The following CSMD1 variants were observed in gnomAD, a reference collection of about 807,000 sequenced individuals.
The protein encoded by CSMD1 is CUB and sushi domain-containing protein 1.
A neutral mutation model predicts 417.5 loss-of-function variants in CSMD1; 213 were observed. That is an observed-to-expected ratio of 0.51 (90% CI 0.46 to 0.57). The LOEUF is 0.57. Ranked by LOEUF, CSMD1 falls within the 20% of genes least tolerant of loss-of-function variation. CSMD1 has a pLI of 0.00. For missense variants in CSMD1, 6,923 were observed against 4,529.7 expected, an observed-to-expected ratio of 1.53 and a Z score of -15.17; for synonymous variants, 2,862 against 1,736.8, an observed-to-expected ratio of 1.65 and a Z score of -16.11.
Position 3,351,370 on chromosome 8 carries a change from G to A in CSMD1, c.3305-3209C>T, listed in dbSNP as rs138552013. 1.4e-3 allele frequency among the ~76,000 whole-genome samples: 214 copies of A among 151,972 alleles called. 1 individual carries two copies. The highest frequency in any genetic ancestry group is 4.5e-3 in the African/African-American group (188 of 41,464). On this transcript the variant is annotated intron_variant, in intron 21 of 69. Coordinates refer to ENST00000635120, the MANE Select transcript of CSMD1 (RefSeq NM_033225.6). Reference sequence around the variant, plus strand: ...CCATGCCTGTAATCCCAGCACTTTCGGAGGCCGAGGCAGGCGGATCACCTG... The same window carrying A: ...CCATGCCTGTAATCCCAGCACTTTCAGAGGCCGAGGCAGGCGGATCACCTG...
chr8:3,128,978 A>C, intron 41 of CSMD1: 1 of 415,474 alleles, frequency 2.4e-6, no homozygotes, highest in Non-Finnish European at 4.7e-6. Flanking sequence ...AAACAATACT[A>C]GCATGGAGTT....
intron 49 of CSMD1, among the ~76,000 whole-genome samples, chr8:3,075,869 G>A (rs1373751037): frequency 2.0e-5 from 3 of 147,900 alleles, no homozygotes; most frequent in Admixed American, 6.7e-5. Context: ...GGGAAACACT[G>A]TCTCTACTAA....
intron 1 of CSMD1, among the ~76,000 whole-genome samples, chr8:4,822,598 G>A (rs967220175): frequency 6.6e-6 from 1 of 151,986 alleles, no homozygotes; most frequent in East Asian, 1.9e-4. Context: ...GCAATTTTTA[G>A]CAATTTTTAC....
intron 5 of CSMD1, among the ~76,000 whole-genome samples, chr8:3,891,287 T>G (rs774177600): frequency 6.6e-6 from 1 of 152,082 alleles, no homozygotes; most frequent in Non-Finnish European, 1.5e-5. Context: ...CTTGCTCAAG[T>G]GATCTACCTG....
chr8:3,538,582 G>A (rs576852387), intron 10 of CSMD1, among the ~76,000 whole-genome samples: 1 of 152,362 alleles, frequency 6.6e-6, no homozygotes, highest in Admixed American at 6.5e-5. Context: ...CCTCCCCTGT[G>A]ATTGTGTGCC....
At chr8:4,009,092 T>G (rs2688365) in intron 4 of CSMD1, among the ~76,000 whole-genome samples, 88,882 of 152,004 alleles carry the variant, frequency 0.58, 26,248 homozygotes, top group South Asian at 0.67. Flanking sequence ...AAGAAAATGT[T>G]GTGCAGTTAA....
intron 6 of CSMD1, among the ~76,000 whole-genome samples, chr8:3,742,620 C>G (rs1480383333): frequency 6.6e-6 from 1 of 152,132 alleles, no homozygotes; most frequent in Non-Finnish European, 1.5e-5. Flanking sequence ...GTGCCCAGGT[C>G]CACTTTTCCT....
At chr8:4,554,478 T>C (rs1162634585) in intron 2 of CSMD1, among the ~76,000 whole-genome samples, 1 of 152,130 alleles carries the variant, frequency 6.6e-6, no homozygotes, top group African/African-American at 2.4e-5. Context: ...CACGTAATAA[T>C]TTGAGAATCT....
chr8:4,574,312 A>G (rs1585271097), intron 2 of CSMD1, among the ~76,000 whole-genome samples: 1 of 152,164 alleles, frequency 6.6e-6, no homozygotes, highest in Admixed American at 6.5e-5. Context: ...AAAGCATGCT[A>G]TCTGGGCTGG....
intron 1 of CSMD1, among the ~76,000 whole-genome samples, chr8:4,821,032 T>C (rs979169763): frequency 1.3e-5 from 2 of 152,090 alleles, no homozygotes; most frequent in Non-Finnish European, 2.9e-5. Context: ...ACGGCTTAGA[T>C]TGCTCCACAC....
intron 9 of CSMD1, among the ~76,000 whole-genome samples, chr8:3,577,242 T>TCTCATG (rs1800188541): frequency 1.6e-5 from 1 of 62,694 alleles, no homozygotes; most frequent in African/African-American, 5.1e-5. Context: ...ATCTCATGCA[T>TCTCATG]CATATTTTAT....
intron 4 of CSMD1, among the ~76,000 whole-genome samples, chr8:4,002,073 G>C (rs1033471573): frequency 2.0e-5 from 3 of 152,146 alleles, no homozygotes; most frequent in Non-Finnish European, 4.4e-5. Flanking sequence ...TATTAAGATA[G>C]TCTGATTGAT....
At chr8:4,763,122 C>G (rs1037617642) in intron 1 of CSMD1, among the ~76,000 whole-genome samples, 2 of 152,084 alleles carry the variant, frequency 1.3e-5, no homozygotes, top group Non-Finnish European at 2.9e-5. Context: ...CATGAAGTTA[C>G]AAAGACGAAG....
chr8:4,168,607 A>G (rs1197599837), intron 3 of CSMD1, among the ~76,000 whole-genome samples: 1 of 152,054 alleles, frequency 6.6e-6, no homozygotes, highest in Non-Finnish European at 1.5e-5. Flanking sequence ...CGCTACCAAC[A>G]TGTGTGCAAG....
chr8:4,003,627 A>G (rs1447514895), intron 4 of CSMD1, among the ~76,000 whole-genome samples: 5 of 152,238 alleles, frequency 3.3e-5, no homozygotes, highest in Non-Finnish European at 7.3e-5. Flanking sequence ...TACATTAAAA[A>G]GATAAATTCT....
At chr8:4,108,732 G>A (rs1481424919) in intron 3 of CSMD1, among the ~76,000 whole-genome samples, 1 of 151,526 alleles carries the variant, frequency 6.6e-6, no homozygotes, top group African/African-American at 2.4e-5. Context: ...TATGCATACC[G>A]ACTTTTGTTA....
Position 3,228,584 on chromosome 8 carries a change from G to T in CSMD1, c.4345+1456C>A, listed in dbSNP as rs139978271. Among the ~76,000 whole-genome samples the T allele has an allele frequency of 7.0e-4, 106 of 152,192 alleles. 1 individual carries two copies. The highest frequency in any genetic ancestry group is 2.5e-3 in the African/African-American group (103 of 41,530). On this transcript the variant is annotated intron_variant, in intron 27 of 69. Coordinates refer to ENST00000635120, the MANE Select transcript of CSMD1 (RefSeq NM_033225.6). ...TTTGGTGCGTATTGGACTACCTAGT[G>T]GCTGGTCAAAATAAAGTAACTAAGA...
chr8:3,081,476 CAGTTTTCAAATAAA>C lies in CSMD1; in HGVS notation c.7474+5607_7474+5620del, dbSNP rs1460172322. ...TTTTAAAATTATTTTTCTTTTTTTA[CAGTTTTCAAATAAA>C]AATTTTCAAATAAAATAATTAAATA... On this transcript the variant is annotated intron_variant, in intron 49 of 69. Coordinates refer to ENST00000635120, the MANE Select transcript of CSMD1 (RefSeq NM_033225.6). Among the ~76,000 whole-genome samples the C allele has an allele frequency of 1.4e-4, 21 of 152,146 alleles. No homozygotes were observed. The South Asian group carries it at 4.4e-3, about 32-fold the overall frequency.
At chr8:3,405,149 T>A (rs943915680) in intron 15 of CSMD1, among the ~76,000 whole-genome samples, 1 of 152,200 alleles carries the variant, frequency 6.6e-6, no homozygotes, top group East Asian at 1.9e-4. Context: ...CCTGTTTAAA[T>A]CTATGCTAAC....
Sources: gnomAD v4.1 joint callset for allele counts (sites outside exome capture counted in the v4.1 genomes callset) on GRCh38, gnomAD v4.1.1 for gene constraint, MANE v1.5 for transcripts, NCBI Gene and HGNC (gene_info 2026-07-23, HGNC 2026-07-21) for gene names.